The following PDIA2 variants were observed in gnomAD, a reference collection of about 807,000 sequenced individuals.
PDIA2 encodes the protein protein disulfide isomerase family A member 2, also known as protein disulfide-isomerase A2.
Under a neutral mutation model 51.1 loss-of-function variants are expected in PDIA2, and 76 were observed. That is an observed-to-expected ratio of 1.49 (90% confidence interval 1.24 to 1.80). PDIA2 has a LOEUF of 1.80. PDIA2 is among the 40% of genes most tolerant of loss of function. PDIA2 has a pLI of 0.00. For synonymous variants in PDIA2, 429 were observed against 309.9 expected (o/e 1.38, Z -4.04); for missense variants, 946 against 706.5 (o/e 1.34, Z -3.84).
In PDIA2 at chr16:287,116, GCCCCCGTGTCA is replaced by G. The variant is rs778482524; in HGVS notation, c.*10_*20del. The G allele has an allele frequency of 6.2e-7, 1 of 1,612,654 alleles. No individual in the cohort carries two copies. On this transcript the variant is annotated 3_prime_UTR_variant, in exon 11 of 11. Transcript: ENST00000219406. ...TGGGGTCCAAGGAGGAACTGTAGCT[GCCCCCGTGTCA>G]CCCCCGCCATCACTGCTGGACAGGA...
Position 284,569 on chromosome 16 carries a change from C to A in PDIA2, c.382C>A (p.Arg128Ser). 6.2e-7 allele frequency: 1 copy of A among 1,612,528 alleles called. No homozygotes were observed. Among genetic ancestry groups the A allele is most frequent in the East Asian group, 2.2e-5 (1 of 44,864 alleles). ...PTLKFFRNGN[R>S]THPEEYTGPR... is the part of the protein sequence containing the mutation. Reference sequence around the variant, plus strand: ...GCTCAAGTTCTTCCGCAATGGGAACCGCACGCACCCGGAGGAGTACACAGG... The same window carrying A: ...GCTCAAGTTCTTCCGCAATGGGAACAGCACGCACCCGGAGGAGTACACAGG... Residue 128 changes from arginine to serine, a missense_variant, in exon 2 of 11, where the codon CGC becomes AGC. Coordinates refer to ENST00000219406, the MANE Select transcript of PDIA2 (RefSeq NM_006849.4).
chr16:284,295 G>A, intron 1 of PDIA2, 92 bp from the exon 2 acceptor site: 1 of 1,276,630 alleles, frequency 7.8e-7, no homozygotes, highest in Non-Finnish European at 1.1e-6. Context: ...GCAGAATGGA[G>A]CAGCACGCTT....
Position 284,367 on chromosome 16 carries a change from CT to C in PDIA2, c.200-19del. ...CCTGGGGTTGTGGTGGCCTGGGGCA[CT>C]CACGGCCCCATCCCCCAGATGCCCC... On this transcript the variant is annotated intron_variant, in intron 1 of 10. Transcript: ENST00000219406. 6.5e-7 allele frequency: 1 copy of C among 1,536,858 alleles called. No individual in the cohort carries two copies. The highest frequency in any genetic ancestry group is 8.7e-7 in the Non-Finnish European group (1 of 1,146,596).
chr16:286,730 C>A lies in PDIA2; in HGVS notation c.1417C>A (p.Arg473=), dbSNP rs118177911. Residue 473 remains arginine, a synonymous_variant, in exon 9 of 11, where the codon CGG becomes AGG. Coordinates refer to ENST00000219406, the MANE Select transcript of PDIA2 (RefSeq NM_006849.4). The part of the protein sequence containing the change: ...TLKYFPAGPG[R]KVIEYKSTRD... ...CAAGTACTTCCCAGCAGGGCCAGGT[C>A]GGAAGGTATGGCGGACAGGTGGCTG... 5.0e-3 allele frequency: 8,065 copies of A among 1,612,820 alleles called. 22 individuals are homozygous for A. Among genetic ancestry groups the A allele is most frequent in the Non-Finnish European group, 6.1e-3 (7,230 of 1,179,956 alleles).
chr16:284,529 G>A lies in PDIA2; in HGVS notation c.342G>A (p.Val114=). The part of the protein sequence containing the change: ...AQRELAEEFG[V]TEYPTLKFFR... ...GCGAGCTGGCTGAGGAGTTTGGTGT[G>A]ACGGAGTACCCTACGCTCAAGTTCT... Residue 114 remains valine, a synonymous_variant, in exon 2 of 11, where the codon GTG becomes GTA. Coordinates refer to ENST00000219406, the MANE Select transcript of PDIA2 (RefSeq NM_006849.4). 2 of 1,612,564 alleles carry A rather than the reference G, an allele frequency of 1.2e-6. No homozygotes were observed. The highest frequency in any genetic ancestry group is 1.1e-5 in the South Asian group (1 of 90,830).
Position 285,603 on chromosome 16 carries a change from A to T in PDIA2, c.1019A>T (p.Asn340Ile), listed in dbSNP as rs925341504. ...GCAGCCCCCACTCTGCGCTTGGTCA[A>T]CCTTGAAACCACTAAGAAGTATGCG... ...AEAAPTLRLV[N>I]LETTKKYAPV... The change falls in exon 7 of 11, where the codon AAC (asparagine) becomes ATC (isoleucine). Residue 340 changes from asparagine (N) to isoleucine (I), a missense_variant. Transcript: ENST00000219406. The T allele has an allele frequency of 6.2e-7, 1 of 1,613,262 alleles. No individual in the cohort carries two copies. The highest frequency in any genetic ancestry group is 8.5e-7 in the Non-Finnish European group (1 of 1,179,942).
In PDIA2 at chr16:286,777, C is replaced by T. The variant is rs765454806; in HGVS notation, c.1422+42C>T. The T allele has an allele frequency of 6.2e-6, 10 of 1,612,232 alleles. No individual in the cohort carries two copies. The Admixed American group carries it at 1.7e-4, about 27-fold the overall frequency. On this transcript the variant is annotated intron_variant, in intron 9 of 10. Transcript: ENST00000219406. ...GCTGGGGAGGAAGCCGGGGTGCCAT[C>T]TTGCTGGGCATGGGGCTGGGCCCCA...
At chr16:285,247 C>T (rs766498241) in intron 5 of PDIA2, 47 bp downstream of exon 5, 99 of 1,612,038 alleles carry the variant, frequency 6.1e-5, no homozygotes, top group African/African-American at 8.0e-5. Flanking sequence ...AGGGTAGAGT[C>T]GTCCAGGGAT....
chr16:285,983 TCCCAACCCCGCGGTTCTCCCAAC>T (rs1165823906), intron 7 of PDIA2, among the ~76,000 whole-genome samples: 13 of 16,804 alleles, frequency 7.7e-4, no homozygotes, highest in East Asian at 3.7e-3. Flanking sequence ...CCCGCGGTTC[TCCCAACCCCGCGGTTCTCCCAAC>T]CCCAACCCCG....
chr16:283,435 C>T lies in PDIA2; in HGVS notation c.199+67C>T, dbSNP rs530296200. 2.6e-5 allele frequency: 38 copies of T among 1,470,136 alleles called. No homozygotes were observed. The South Asian group carries it at 2.8e-4, about 11-fold the overall frequency. The allele number at this position is 1,470,136 out of a possible 1,614,324, so 91.1% of individuals were successfully genotyped here. A position where few individuals can be genotyped will look rare whatever the true frequency, so the allele number is the denominator to read the frequency against. ...CGGCAGAGCCCACCTGGGGGCCCCA[C>T]CCTTTGCCGGCAAATGCAGGGCATG... On this transcript the variant is annotated intron_variant, in intron 1 of 10. Transcript: ENST00000219406.
chr16:283,551 G>A, intron 1 of PDIA2, among the ~76,000 whole-genome samples, 183 bp downstream of exon 1: 1 of 152,244 alleles, frequency 6.6e-6, no homozygotes, highest in East Asian at 1.9e-4. Context: ...GGGCAGGCAG[G>A]AGCAGTGTGG....
intron 7 of PDIA2, among the ~76,000 whole-genome samples, chr16:286,103 C>CCCTCCCCCCACCAAACCCCACAGTTCTT (rs1194936256): frequency 9.7e-6 from 1 of 102,674 alleles, no homozygotes. Flanking sequence ...CCACAGTTCT[C>CCCTCCCCCCACCAAACCCCACAGTTCTT]CCTCCCCCCA....
chr16:283,464 CCAAGA>C, intron 1 of PDIA2, 96 bp downstream of exon 1: 1 of 1,281,692 alleles, frequency 7.8e-7, no homozygotes, highest in Non-Finnish European at 1.0e-6. Flanking sequence ...GGGCATGTGC[CCAAGA>C]GGGGCCTCCC....
chr16:284,181 G>T, intron 1 of PDIA2: 1 of 610,534 alleles, frequency 1.6e-6, no homozygotes, highest in Non-Finnish European at 2.9e-6. Flanking sequence ...GGGGGAGGGG[G>T]GGTGGTCTTT....
intron 8 of PDIA2, 30 bp from the exon 9 acceptor site, chr16:286,524 G>A (rs2052382596): frequency 6.2e-7 from 1 of 1,612,500 alleles, no homozygotes; most frequent in African/African-American, 1.3e-5. Context: ...GGGCTGCCCA[G>A]ATGGCTGTGC....
chr16:285,074 T>A lies in PDIA2; in HGVS notation c.679-10T>A. 6.2e-7 allele frequency: 1 copy of A among 1,612,916 alleles called. No individual in the cohort carries two copies. ...CTGCAGCGCCCGCTAACCCACCTGC[T>A]GCTGTCCAGTTTGATGAGGGGCGGG... On this transcript the variant is annotated splice_polypyrimidine_tract_variant and intron_variant, in intron 4 of 10. Coordinates refer to ENST00000219406, the MANE Select transcript of PDIA2 (RefSeq NM_006849.4).
rs764733366 is a variant in PDIA2, at chr16:285,503, C to A, written c.922-3C>A. The A allele has an allele frequency of 1.9e-6, 3 of 1,612,694 alleles. No individual in the cohort carries two copies. In the African/African-American group the frequency reaches 4.0e-5, roughly 22 times the overall value. On this transcript the variant is annotated splice_polypyrimidine_tract_variant and splice_region_variant and intron_variant, in intron 6 of 10. Transcript: ENST00000219406. ...CGGTGCCAGCATGGACTCCCTGCCA[C>A]AGGTGCTGTTCGTGGTGGTGGACGT...
chr16:283,475 C>T (rs1329559233), intron 1 of PDIA2, 107 bp downstream of exon 1: 2 of 1,225,934 alleles, frequency 1.6e-6, no homozygotes, highest in Non-Finnish European at 1.1e-6. Context: ...CAAGAGGGGC[C>T]TCCCCGCAGG....
chr16:285,488 A>G lies in PDIA2; in HGVS notation c.922-18A>G, dbSNP rs767861806. The G allele has an allele frequency of 3.2e-5, 51 of 1,612,330 alleles. No individual in the cohort carries two copies. In the Admixed American group the frequency reaches 7.2e-4, roughly 23 times the overall value. ...CAGCGGGAGAGTGGCCGGTGCCAGC[A>G]TGGACTCCCTGCCACAGGTGCTGTT... On this transcript the variant is annotated intron_variant, in intron 6 of 10. Coordinates refer to ENST00000219406, the MANE Select transcript of PDIA2 (RefSeq NM_006849.4).
Sources: gnomAD v4.1 joint callset for allele counts (sites outside exome capture counted in the v4.1 genomes callset) on GRCh38, gnomAD v4.1.1 for gene constraint, MANE v1.5 for transcripts, NCBI Gene and HGNC (gene_info 2026-07-23, HGNC 2026-07-21) for gene names.